ZC4H2: variants seen among roughly 807,000 people sequenced by gnomAD.
ZC4H2 encodes the protein zinc finger C4H2-type containing.
For synonymous variants in ZC4H2, 84 were observed against 66.3 expected, an observed-to-expected ratio of 1.27 and a Z score of -1.30; for missense variants, 137 against 173.9, an observed-to-expected ratio of 0.79 and a Z score of 1.19.
Position 64,940,482 on chromosome X carries a change from G to A in ZC4H2, c.54-18494C>T, listed in dbSNP as rs775786683. ...TTCCAGTCATGAAGTCTTTGCCCAT[G>A]CCTATGTCCTGAATGGTACTGCCTG... On this transcript the variant is annotated intron_variant, in intron 1 of 4. Transcript: ENST00000374839. Among the ~76,000 whole-genome samples, 54 of 111,869 alleles carry A rather than the reference G, an allele frequency of 4.8e-4. No individual in the cohort carries two copies. In the South Asian group the frequency reaches 0.012, roughly 25 times the overall value.
At chrX:64,989,228 T>TTTTGG (rs1263256896) in intron 1 of ZC4H2, among the ~76,000 whole-genome samples, 3 of 112,054 alleles carry the variant, frequency 2.7e-5, no homozygotes, top group Non-Finnish European at 5.6e-5. Flanking sequence ...ATATGAACTT[T>TTTTGG]AAAGTAGTTT....
intron 1 of ZC4H2, among the ~76,000 whole-genome samples, chrX:65,026,932 T>C (rs1445874793): frequency 1.8e-5 from 2 of 112,086 alleles, no homozygotes; most frequent in Non-Finnish European, 3.8e-5. Flanking sequence ...GAAAAGTTGC[T>C]GCTGCCAACA....
At chrX:64,992,974 G>A (rs1208487327) in intron 1 of ZC4H2, among the ~76,000 whole-genome samples, 2 of 111,025 alleles carry the variant, frequency 1.8e-5, no homozygotes, top group Non-Finnish European at 3.8e-5. Context: ...ACTTAGTGAT[G>A]TCACATCAGG....
intron 1 of ZC4H2, among the ~76,000 whole-genome samples, chrX:65,028,934 A>G (rs957935838): frequency 3.6e-5 from 4 of 111,352 alleles, no homozygotes; most frequent in African/African-American, 1.3e-4. Flanking sequence ...CTTGGGTGGC[A>G]TCCAAGTCAG....
At chrX:64,924,097 G>A (rs1929324700) in intron 1 of ZC4H2, among the ~76,000 whole-genome samples, 1 of 111,592 alleles carries the variant, frequency 9.0e-6, no homozygotes, top group East Asian at 2.8e-4. Context: ...TTACCGATGG[G>A]AAAACTAAGA....
chrX:64,976,007 A>C (rs1602433005), intron 1 of ZC4H2, among the ~76,000 whole-genome samples: 1 of 111,734 alleles, frequency 8.9e-6, no homozygotes, highest in African/African-American at 3.3e-5. Context: ...GGAGCCAAAG[A>C]CACCTTGGGG....
At chrX:64,976,264 T>G in intron 1 of ZC4H2, 61 bp downstream of exon 1, 1 of 1,134,519 alleles carries the variant, frequency 8.8e-7, no homozygotes, top group Non-Finnish European at 1.2e-6. Context: ...AATAGATAAT[T>G]AGCCCTCTCC....
rs142240108 is a variant in ZC4H2, at chrX:64,958,369, A to G, written c.53+17956T>C. ...GTTCACTGAAACATCATTATATGGC[A>G]CATGCCTGTATATGTGTGTGTGTGT... On this transcript the variant is annotated intron_variant, in intron 1 of 4. Transcript: ENST00000374839. Among the ~76,000 whole-genome samples, 6 of 110,971 alleles carry G rather than the reference A, an allele frequency of 5.4e-5. No individual in the cohort carries two copies. In the East Asian group the frequency reaches 1.4e-3, roughly 26 times the overall value.
chrX:65,013,032 G>C (rs1245124793), intron 1 of ZC4H2, among the ~76,000 whole-genome samples: 1 of 111,554 alleles, frequency 9.0e-6, no homozygotes, highest in African/African-American at 3.3e-5. Flanking sequence ...CAGGGGAAGT[G>C]AACTAGGCAC....
intron 1 of ZC4H2, among the ~76,000 whole-genome samples, chrX:64,974,683 T>C (rs886376004): frequency 9.0e-6 from 1 of 110,905 alleles, no homozygotes; most frequent in Admixed American, 9.6e-5. Flanking sequence ...GCTGATTCCA[T>C]CCTAGCTGGT....
chrX:65,031,576 T>C (rs931501268), intron 1 of ZC4H2, among the ~76,000 whole-genome samples: 2 of 111,916 alleles, frequency 1.8e-5, no homozygotes, highest in South Asian at 7.4e-4. Context: ...AGAAATATAT[T>C]ATTTTCTCCT....
chrX:64,989,239 T>C (rs1444854956), intron 1 of ZC4H2, among the ~76,000 whole-genome samples: 1 of 112,127 alleles, frequency 8.9e-6, no homozygotes. Flanking sequence ...AAAGTAGTTT[T>C]TTCCAATTCT....
At chrX:64,973,964 T>A (rs1931861361) in intron 1 of ZC4H2, among the ~76,000 whole-genome samples, 2 of 111,694 alleles carry the variant, frequency 1.8e-5, no homozygotes, top group African/African-American at 6.5e-5. Context: ...TTTGTGTCAA[T>A]TATGTTGGTG....
intron 1 of ZC4H2, among the ~76,000 whole-genome samples, chrX:64,988,526 A>G (rs1932239776): frequency 9.0e-6 from 1 of 111,106 alleles, no homozygotes; most frequent in Non-Finnish European, 1.9e-5. Flanking sequence ...GGCTGCATAA[A>G]TGTCTTCTTT....
At chrX:64,938,691 T>C (rs1319681411) in intron 1 of ZC4H2, among the ~76,000 whole-genome samples, 1 of 112,001 alleles carries the variant, frequency 8.9e-6, no homozygotes, top group Non-Finnish European at 1.9e-5. Flanking sequence ...AAAAGTCACA[T>C]GATTATCTCA....
At chrX:64,923,144 T>C (rs1453766237) in intron 1 of ZC4H2, among the ~76,000 whole-genome samples, 2 of 111,910 alleles carry the variant, frequency 1.8e-5, no homozygotes, top group African/African-American at 6.5e-5. Flanking sequence ...ACTGAAGACT[T>C]GTGACATAGA....
chrX:64,983,201 C>T (rs1186732216), intron 1 of ZC4H2, among the ~76,000 whole-genome samples: 1 of 111,673 alleles, frequency 9.0e-6, no homozygotes, highest in Non-Finnish European at 1.9e-5. Flanking sequence ...AAATAACTTC[C>T]CCTCTATGGG....
At chrX:65,031,457 C>T (rs1212860642) in intron 1 of ZC4H2, among the ~76,000 whole-genome samples, 2 of 110,844 alleles carry the variant, frequency 1.8e-5, no homozygotes, top group East Asian at 2.8e-4. Context: ...GGTGCATCTA[C>T]TGTGCCAGCA....
intron 3 of ZC4H2, 22 bp downstream of exon 3, chrX:64,920,059 G>A (rs748708107): frequency 1.7e-6 from 2 of 1,204,176 alleles, no homozygotes; most frequent in Non-Finnish European, 1.1e-6. Flanking sequence ...TATGTTGTAG[G>A]GACTGGGGGC....
Sources: gnomAD v4.1 joint callset for allele counts (sites outside exome capture counted in the v4.1 genomes callset) on GRCh38, gnomAD v4.1.1 for gene constraint, MANE v1.5 for transcripts, NCBI Gene and HGNC (gene_info 2026-07-23, HGNC 2026-07-21) for gene names.